Variants in MCFD2 observed in about 807,000 individuals in gnomAD.
MCFD2 encodes the protein multiple coagulation factor deficiency protein 2.
A neutral mutation model predicts 12.8 loss-of-function variants in MCFD2; 11 were observed. That is an observed-to-expected ratio of 0.86 (90% CI 0.54 to 1.42). MCFD2 has a LOEUF of 1.42. MCFD2 is among the 40% of genes most tolerant of loss of function. The pLI is 0.00. For synonymous variants in MCFD2, 70 were observed against 68.1 expected, an observed-to-expected ratio of 1.03 and a Z score of -0.14; for missense variants, 191 against 178.6, an observed-to-expected ratio of 1.07 and a Z score of -0.40.
chr2:46,918,154 C>T (rs923318918), upstream of MCFD2, among the ~76,000 whole-genome samples: 12 of 152,024 alleles, frequency 7.9e-5, no homozygotes, highest in African/African-American at 1.9e-4. Context: ...TTAATGTGTC[C>T]CCCCAAAATC....
At chr2:46,929,008 C>T (rs1669552281) in intron 1 of MCFD2, among the ~76,000 whole-genome samples, 1 of 151,752 alleles carries the variant, frequency 6.6e-6, no homozygotes, top group Admixed American at 6.6e-5. Flanking sequence ...ACTAAAAATA[C>T]AAAAATTAGC....
intron 1 of MCFD2, among the ~76,000 whole-genome samples, chr2:46,929,705 G>T (rs1294254091): frequency 2.0e-5 from 3 of 152,092 alleles, no homozygotes; most frequent in African/African-American, 4.8e-5. Context: ...AATGAGCTGA[G>T]ATTGAATTGC....
chr2:46,936,092 A>G (rs908424839), intron 1 of MCFD2, among the ~76,000 whole-genome samples: 1 of 152,224 alleles, frequency 6.6e-6, no homozygotes, highest in African/African-American at 2.4e-5. Flanking sequence ...CCCTGTCTCT[A>G]AAAACATAAA....
rs1668050261 is a variant in MCFD2, at chr2:46,902,417, G to T, written c.*3046C>A. On this transcript the variant is annotated 3_prime_UTR_variant, in exon 4 of 4. Transcript: ENST00000319466. ...TGATAAAGTCCTGACATTCCTAATA[G>T]TTCCTAAACTGCAAATAAAAAACCC... The T allele has an allele frequency of 2.0e-5, 3 of 152,590 alleles. No individual in the cohort carries two copies. The highest frequency in any genetic ancestry group is 7.2e-5 in the African/African-American group (3 of 41,428). The allele number at this position is 152,590 out of a possible 1,614,324, so 9.5% of individuals were successfully genotyped here. A position where few individuals can be genotyped will look rare whatever the true frequency, so the allele number is the denominator to read the frequency against.
chr2:46,934,447 C>T (rs988684800), intron 1 of MCFD2, among the ~76,000 whole-genome samples: 2 of 152,104 alleles, frequency 1.3e-5, no homozygotes, highest in Non-Finnish European at 1.5e-5. Flanking sequence ...TTAGTAGAGA[C>T]AGGGTTTTGC....
At chr2:46,939,835 T>G (rs1327798493) in intron 1 of MCFD2, among the ~76,000 whole-genome samples, 1 of 152,168 alleles carries the variant, frequency 6.6e-6, no homozygotes, top group Non-Finnish European at 1.5e-5. Context: ...AGGAGTTGAC[T>G]GGAGTAAGCC....
chr2:46,924,453 G>A (rs1313520585), intron 1 of MCFD2, among the ~76,000 whole-genome samples: 1 of 151,932 alleles, frequency 6.6e-6, no homozygotes, highest in Non-Finnish European at 1.5e-5. Context: ...AATCATATTT[G>A]TGAAGAATTT....
At chr2:46,915,479 G>A (rs1436053574) in intron 1 of MCFD2, among the ~76,000 whole-genome samples, 1 of 152,178 alleles carries the variant, frequency 6.6e-6, no homozygotes, top group Non-Finnish European at 1.5e-5. Flanking sequence ...GGCCCCTAGG[G>A]ACCAGGGAAG....
At chr2:46,919,098 T>A (rs1462978559), upstream of MCFD2, among the ~76,000 whole-genome samples, 1 of 152,246 alleles carries the variant, frequency 6.6e-6, no homozygotes, top group Non-Finnish European at 1.5e-5. Flanking sequence ...ATGTTTTACC[T>A]ATGTAGGGGA....
chr2:46,919,817 C>G (rs1669005074), upstream of MCFD2, among the ~76,000 whole-genome samples: 1 of 152,240 alleles, frequency 6.6e-6, no homozygotes, highest in Non-Finnish European at 1.5e-5. Flanking sequence ...ACCAAAGAAA[C>G]TGCAGTTTCT....
Position 46,909,033 on chromosome 2 carries a change from G to C in MCFD2, c.139C>G (p.His47Asp), listed in dbSNP as rs761116621. The stretch of plus-strand genomic sequence containing the variant: ...GGGCTGAATACGTACTCTTGGTCGT[G>C]CACTGTGTTCTTATCCAGGCCCATG... ...GSMGLDKNTVHDQEHIMEHLE... is the reference protein window; with the variant it reads ...GSMGLDKNTVDDQEHIMEHLE... Residue 47 changes from histidine to aspartate, a missense_variant, in exon 2 of 4, where the codon CAC (histidine) becomes GAC (aspartate). Coordinates refer to ENST00000319466, the MANE Select transcript of MCFD2 (RefSeq NM_139279.6). The C allele has an allele frequency of 6.2e-7, 1 of 1,614,224 alleles. No individual in the cohort carries two copies. Among genetic ancestry groups the C allele is most frequent in the Non-Finnish European group, 8.5e-7 (1 of 1,180,042 alleles).
chr2:46,923,877 C>A (rs143035720), intron 1 of MCFD2, among the ~76,000 whole-genome samples: 1 of 151,950 alleles, frequency 6.6e-6, no homozygotes, highest in African/African-American at 2.4e-5. Context: ...GGATTACAGG[C>A]GCCTGCCACC....
Position 46,908,068 on chromosome 2 carries a change from G to T in MCFD2, c.150-99C>A. 1 of 1,377,938 alleles carries T rather than the reference G, an allele frequency of 7.3e-7. No homozygotes were observed. Among genetic ancestry groups the T allele is most frequent in the African/African-American group, 1.4e-5 (1 of 70,696 alleles). 85.4% of individuals were successfully genotyped at this position (1,377,938 alleles called of 1,614,324 possible). A position where few individuals can be genotyped will look rare whatever the true frequency, so the allele number is the denominator to read the frequency against. On this transcript the variant is annotated intron_variant, in intron 2 of 3. Transcript: ENST00000319466. The surrounding 1 kb of genome is among the most constrained non-coding windows in gnomAD (Gnocchi z 4.5). ...AGTTCAAGATCTTAAACTTCCTCCA[G>T]CTCAGAAAAACAAACACCAGCAGTG...
At chr2:46,931,636 T>A (rs1309083521) in intron 1 of MCFD2, among the ~76,000 whole-genome samples, 1 of 151,954 alleles carries the variant, frequency 6.6e-6, no homozygotes, top group African/African-American at 2.4e-5. Flanking sequence ...TGATCTTCCC[T>A]TTTCATGTTT....
chr2:46,907,298 A>G lies in MCFD2; in HGVS notation c.309+512T>C. On this transcript the variant is annotated intron_variant, in intron 3 of 3. Coordinates refer to ENST00000319466, the MANE Select transcript of MCFD2 (RefSeq NM_139279.6). This position sits in a 1 kb window ranked among gnomAD's most constrained non-coding sequence, Gnocchi z 4.1. ...TGCCCAGCCCTGGGACTTCTGCCTCAGCAAGTTATCCTTTGCGGGAAGGAT... is the reference window on the plus strand; with the variant it reads ...TGCCCAGCCCTGGGACTTCTGCCTCGGCAAGTTATCCTTTGCGGGAAGGAT... The G allele has an allele frequency of 5.6e-6, 1 of 178,278 alleles. No homozygotes were observed. The highest frequency in any genetic ancestry group is 1.2e-5 in the Non-Finnish European group (1 of 83,368). 11.0% of individuals were successfully genotyped at this position (178,278 alleles called of 1,614,324 possible). A position where few individuals can be genotyped will look rare whatever the true frequency, so the allele number is the denominator to read the frequency against.
In MCFD2 at chr2:46,939,995, C is replaced by T. The variant is rs371374099; in HGVS notation, c.-8+1577G>A. The stretch of plus-strand genomic sequence containing the variant: ...ACCCACCGTTAGGAAATCCTGCCCA[C>T]CAAACAAGGACTGGAGCTGCATTTA... On this transcript the variant is annotated intron_variant, in intron 1 of 2. Transcript: ENST00000409147. Among the ~76,000 whole-genome samples, 3 of 152,288 alleles carry T rather than the reference C, an allele frequency of 2.0e-5. No homozygotes were observed. The South Asian group carries it at 6.2e-4, about 32-fold the overall frequency.
upstream of MCFD2, among the ~76,000 whole-genome samples, chr2:46,919,631 A>G (rs193009780): frequency 8.1e-4 from 124 of 152,346 alleles, no homozygotes; most frequent in Admixed American, 1.9e-3. Flanking sequence ...CTGTGTCCCT[A>G]AAATCTCAAG....
upstream of MCFD2, among the ~76,000 whole-genome samples, chr2:46,918,871 C>T (rs1344389468): frequency 2.0e-5 from 3 of 152,182 alleles, no homozygotes; most frequent in Admixed American, 6.5e-5. Flanking sequence ...AAGAAAGTAA[C>T]GACTAGGTAA....
rs143089887 is a variant in MCFD2 at position 46,939,178 on chromosome 2, G to C, written c.-8+2394C>G. On this transcript the variant is annotated intron_variant, in intron 1 of 2. Coordinates refer to the MCFD2 transcript ENST00000409147. ...AAAATTTTACTGATACTCTACAGGA[G>C]CTAAACCCATCAAGGTTCAGACTGA... Among the ~76,000 whole-genome samples the C allele has an allele frequency of 3.5e-3, 537 of 152,178 alleles. 4 individuals carry two copies. Among genetic ancestry groups the C allele is most frequent in the African/African-American group, 0.012 (518 of 41,502 alleles).
Sources: gnomAD v4.1 joint callset for allele counts (sites outside exome capture counted in the v4.1 genomes callset) on GRCh38, gnomAD v4.1.1 for gene constraint, Gnocchi (gnomAD v3.1) non-coding constraint, MANE v1.5 for transcripts, NCBI Gene and HGNC (gene_info 2026-07-23, HGNC 2026-07-21) for gene names.